The following LSAMP variants were observed in gnomAD, a reference collection of about 807,000 sequenced individuals.
LSAMP encodes limbic system associated membrane protein.
Under a neutral mutation model 38.6 loss-of-function variants are expected in LSAMP, and 7 were observed. The ratio of observed to expected loss-of-function variants is 0.18; its 90% confidence interval spans 0.10 to 0.34. LSAMP has a LOEUF of 0.34. Among genes scored for constraint, LSAMP ranks in the 10% least tolerant of loss-of-function variants. The pLI is 1.00. For synonymous variants in LSAMP, 154 were observed against 166.8 expected, an observed-to-expected ratio of 0.92 and a Z score of 0.59; for missense variants, 313 against 420.0, an observed-to-expected ratio of 0.75 and a Z score of 2.23.
At chr3:116,245,323 G>A (rs1413357195) in intron 1 of LSAMP, among the ~76,000 whole-genome samples, 1 of 152,116 alleles carries the variant, frequency 6.6e-6, no homozygotes, top group African/African-American at 2.4e-5. Context: ...AATTTTGGCT[G>A]TTTCAGTCAC....
chr3:116,213,191 G>T (rs545852647), intron 1 of LSAMP, among the ~76,000 whole-genome samples: 3 of 152,232 alleles, frequency 2.0e-5, no homozygotes, highest in African/African-American at 7.2e-5. Flanking sequence ...ATCATTTTGA[G>T]TTGTGATATG....
chr3:116,154,933 C>T (rs2107530815), intron 1 of LSAMP, among the ~76,000 whole-genome samples: 1 of 152,200 alleles, frequency 6.6e-6, no homozygotes, highest in East Asian at 1.9e-4. Context: ...TAAACATATA[C>T]ATATTTGGAG....
chr3:116,201,498 C>T (rs1202794709), intron 1 of LSAMP, among the ~76,000 whole-genome samples: 3 of 152,154 alleles, frequency 2.0e-5, no homozygotes, highest in African/African-American at 7.2e-5. Context: ...GTGCCCCAGT[C>T]GCCACAGCAG....
intron 1 of LSAMP, among the ~76,000 whole-genome samples, chr3:116,293,436 G>A (rs1422785033): frequency 1.3e-5 from 2 of 152,082 alleles, no homozygotes; most frequent in African/African-American, 4.8e-5. Context: ...ACAAAGTAGA[G>A]AGACAGGCAG....
At chr3:116,428,129 T>C (rs898779865) in intron 1 of LSAMP, among the ~76,000 whole-genome samples, 1 of 152,222 alleles carries the variant, frequency 6.6e-6, no homozygotes, top group Non-Finnish European at 1.5e-5. Flanking sequence ...AGCCTTCTTA[T>C]GTGAATTTCC....
At chr3:116,168,748 G>C (rs1171081816) in intron 1 of LSAMP, among the ~76,000 whole-genome samples, 1 of 152,118 alleles carries the variant, frequency 6.6e-6, no homozygotes, top group Non-Finnish European at 1.5e-5. Flanking sequence ...TTAATGCTTA[G>C]GATAAATCAA....
intron 1 of LSAMP, among the ~76,000 whole-genome samples, chr3:116,155,027 G>GT (rs1401782749): frequency 7.1e-6 from 1 of 140,406 alleles, no homozygotes; most frequent in Non-Finnish European, 1.6e-5. Flanking sequence ...GGTTTTTTTT[G>GT]TTTTTTGTTT....
At chr3:116,097,482 T>C (rs1326304287) in intron 1 of LSAMP, among the ~76,000 whole-genome samples, 2 of 152,252 alleles carry the variant, frequency 1.3e-5, no homozygotes, top group Admixed American at 1.3e-4. Flanking sequence ...GACTCATCAT[T>C]ACATTACATG....
intron 3 of LSAMP, among the ~76,000 whole-genome samples, chr3:115,862,033 A>C (rs1483239522): frequency 1.3e-5 from 2 of 152,220 alleles, no homozygotes; most frequent in Non-Finnish European, 2.9e-5. Flanking sequence ...TGGGAATAAA[A>C]TAGAAGTAAA....
At chr3:116,280,577 G>A (rs2047115267) in intron 1 of LSAMP, among the ~76,000 whole-genome samples, 1 of 152,192 alleles carries the variant, frequency 6.6e-6, no homozygotes, top group Admixed American at 6.5e-5. Context: ...TTAAAATGCT[G>A]TGCTATTCGA....
intron 3 of LSAMP, among the ~76,000 whole-genome samples, chr3:115,943,394 T>C (rs1407024979): frequency 2.6e-5 from 4 of 152,290 alleles, no homozygotes; most frequent in African/African-American, 9.6e-5. Context: ...TCCTCTTTCA[T>C]AGGGAAGTCA....
intron 1 of LSAMP, among the ~76,000 whole-genome samples, chr3:116,152,760 A>G (rs767750466): frequency 6.6e-6 from 1 of 152,120 alleles, no homozygotes; most frequent in Non-Finnish European, 1.5e-5. Context: ...ATCAGATTCA[A>G]TGTACACAAA....
intron 1 of LSAMP, among the ~76,000 whole-genome samples, chr3:116,323,139 A>G (rs1048230386): frequency 2.0e-5 from 3 of 152,130 alleles, no homozygotes; most frequent in Admixed American, 2.0e-4. Context: ...ATGAGCAGGA[A>G]TTATAACAGA....
intron 1 of LSAMP, among the ~76,000 whole-genome samples, chr3:116,335,350 T>C (rs1337873599): frequency 6.6e-6 from 1 of 152,028 alleles, no homozygotes; most frequent in African/African-American, 2.4e-5. Flanking sequence ...TTTGCAGATA[T>C]AGAAGAAACA....
intron 1 of LSAMP, among the ~76,000 whole-genome samples, chr3:116,316,778 G>GAAA (rs35294836): frequency 1.5e-4 from 18 of 119,046 alleles, no homozygotes; most frequent in South Asian, 1.4e-3. Context: ...CTCAAAAAAA[G>GAAA]AAAAAAAAAA....
At chr3:115,834,596 T>C in intron 6 of LSAMP, 1 of 1,247,802 alleles carries the variant, frequency 8.0e-7, no homozygotes, top group Non-Finnish European at 1.0e-6. Flanking sequence ...GTAAAACACG[T>C]TCTAAAGGGG....
At chr3:115,926,716 G>A (rs895377384) in intron 3 of LSAMP, among the ~76,000 whole-genome samples, 1 of 152,122 alleles carries the variant, frequency 6.6e-6, no homozygotes, top group African/African-American at 2.4e-5. Flanking sequence ...AAATGCTAAA[G>A]GCTTATTAAT....
chr3:115,852,502 T>C lies in LSAMP; in HGVS notation c.630A>G (p.Gln210=). The C allele has an allele frequency of 6.2e-7, 1 of 1,612,782 alleles. No homozygotes were observed. Among genetic ancestry groups the C allele is most frequent in the South Asian group, 1.1e-5 (1 of 90,848 alleles). ...ACTCACAGTTCACAGTGACCTTGAC[T>C]TGTTTGACATCCGCCGAGGAGACCT... ...ANEVSSADVK[Q]VKVTVNYPPT... The change falls in exon 4 of 7, where the codon CAA becomes CAG. Residue 210 remains glutamine (Q), a synonymous_variant. Coordinates refer to ENST00000490035, the MANE Select transcript of LSAMP (RefSeq NM_002338.5).
At chr3:116,095,900 TAGC>T (rs942105824) in intron 1 of LSAMP, among the ~76,000 whole-genome samples, 2 of 152,202 alleles carry the variant, frequency 1.3e-5, no homozygotes, top group African/African-American at 4.8e-5. Context: ...GCAAGTTACT[TAGC>T]AGAGAAAGGC....
Sources: allele counts gnomAD v4.1 joint callset (sites outside exome capture counted in the v4.1 genomes callset), GRCh38; gene constraint gnomAD v4.1.1; transcripts MANE v1.5; gene names NCBI Gene and HGNC (gene_info 2026-07-23, HGNC 2026-07-21).